The following ARID5A variants were observed in gnomAD, a reference collection of about 807,000 sequenced individuals.
ARID5A encodes the protein AT-rich interaction domain 5A.
Under a neutral mutation model 30.5 loss-of-function variants are expected in ARID5A, and 14 were observed. That is an observed-to-expected ratio of 0.46 (90% CI 0.30 to 0.72). The LOEUF is 0.72. Ranked by LOEUF, ARID5A falls within the 30% of genes least tolerant of loss-of-function variation. The pLI is 0.07. For missense variants in ARID5A, 669 were observed against 786.2 expected, an observed-to-expected ratio of 0.85 and a Z score of 1.78; for synonymous variants, 338 against 340.4, an observed-to-expected ratio of 0.99 and a Z score of 0.08.
In ARID5A at chr2:96,551,771, G is replaced by C. The variant is rs747001402; in HGVS notation, c.1243G>C (p.Ala415Pro). 6.5e-7 allele frequency: 1 copy of C among 1,535,292 alleles called. No homozygotes were observed. The highest frequency in any genetic ancestry group is 1.4e-5 in the African/African-American group (1 of 71,980). Residue 415 changes from alanine (A) to proline (P), a missense_variant, in exon 7 of 7, where the codon GCC becomes CCC. This residue lies in a region of ARID5A where 548 missense variants were observed against 577.4 expected (regional missense o/e 0.95). Transcript: ENST00000357485. ...RKGILYPKPKACWVSPMAKVP... is the reference protein window; with the variant it reads ...RKGILYPKPKPCWVSPMAKVP... ...GGGCATCCTCTACCCCAAGCCCAAAGCCTGCTGGGTGTCCCCCATGGCCAA... is the reference window on the plus strand; with the variant it reads ...GGGCATCCTCTACCCCAAGCCCAAACCCTGCTGGGTGTCCCCCATGGCCAA...
At chr2:96,548,286 TA>T (rs1558618247) in intron 2 of ARID5A, among the ~76,000 whole-genome samples, 1 of 150,524 alleles carries the variant, frequency 6.6e-6, no homozygotes, top group Non-Finnish European at 1.5e-5. Context: ...TTTTTTTTTT[TA>T]GACAGAGTCT....
intron 1 of ARID5A, among the ~76,000 whole-genome samples, chr2:96,541,114 T>C (rs148863524): frequency 1.2e-3 from 189 of 151,350 alleles, no homozygotes; most frequent in African/African-American, 4.5e-3. Flanking sequence ...CTCAGCTCAC[T>C]GCAACCTCCA....
intron 1 of ARID5A, chr2:96,538,222 A>G: frequency 3.0e-6 from 3 of 985,436 alleles, no homozygotes; most frequent in Non-Finnish European, 3.6e-6. Context: ...AAACCATCTG[A>G]GGAGCTCTCA....
chr2:96,542,789 G>A (rs1054247507), intron 1 of ARID5A, among the ~76,000 whole-genome samples: 2 of 152,182 alleles, frequency 1.3e-5, no homozygotes, highest in African/African-American at 2.4e-5. Context: ...CATGGAGAGG[G>A]TCTGTCGATG....
Position 96,549,990 on chromosome 2 carries a change from C to G in ARID5A, c.312+185C>G. ...AGCTTTTCAGCCTTCCCCATCTGTT[C>G]TGCCCGCCCCGTGTTGGGAAAACTG... On this transcript the variant is annotated intron_variant, in intron 4 of 6. Transcript: ENST00000357485. The surrounding 1 kb of genome is among the most constrained non-coding windows in gnomAD (Gnocchi z 6.1). The G allele has an allele frequency of 6.5e-7, 1 of 1,534,702 alleles. No individual in the cohort carries two copies.
chr2:96,547,317 G>A (rs985652876), intron 1 of ARID5A, 85 bp from the exon 2 acceptor site: 1 of 1,167,676 alleles, frequency 8.6e-7, no homozygotes, highest in African/African-American at 1.5e-5. Flanking sequence ...TGGGAGTAGG[G>A]AGAGTGCTCC....
Position 96,537,739 on chromosome 2 carries a change from G to A in ARID5A, c.4+909G>A. 1 of 490,704 alleles carries A rather than the reference G, an allele frequency of 2.0e-6. No individual in the cohort carries two copies. The highest frequency in any genetic ancestry group is 2.6e-6 in the Non-Finnish European group (1 of 377,764). The allele number at this position is 490,704 out of a possible 1,614,324, so 30.4% of individuals were successfully genotyped here. ...ACCCGGGCCCGCGCTCCGTCCCTCC[G>A]CGGTGTCTAGGGGTCGCCCGGGCTG... is the stretch of plus-strand genomic sequence containing the variant. On this transcript the variant is annotated intron_variant, in intron 1 of 6. Transcript: ENST00000357485. The surrounding 1 kb of genome is among the most constrained non-coding windows in gnomAD (Gnocchi z 4.8).
rs2066065594 is a variant in ARID5A at position 96,552,179 on chromosome 2, C to G, written c.1651C>G (p.Leu551Val). Residue 551 changes from leucine (L) to valine (V), a missense_variant, in exon 7 of 7, where the codon CTG (leucine) becomes GTG (valine). Leu to Val is a conservative substitution (Grantham distance 32). This residue lies in a region of ARID5A where 548 missense variants were observed against 577.4 expected (regional missense o/e 0.95). Transcript: ENST00000357485. Reference protein sequence around the residue: ...TAGPSPMAAGLMHFPPTSFDS... With the variant: ...TAGPSPMAAGVMHFPPTSFDS... ...AGGCCCCTCGCCCATGGCCGCTGGC[C>G]TGATGCACTTCCCCCCAACGTCCTT... 6.2e-7 allele frequency: 1 copy of G among 1,613,450 alleles called. No individual in the cohort carries two copies. Among genetic ancestry groups the G allele is most frequent in the Non-Finnish European group, 8.5e-7 (1 of 1,180,028 alleles).
intron 1 of ARID5A, among the ~76,000 whole-genome samples, chr2:96,544,957 T>C (rs890087849): frequency 6.6e-6 from 1 of 152,076 alleles, no homozygotes; most frequent in African/African-American, 2.4e-5. Context: ...GCTTCAAGAC[T>C]TCAGTGGAGA....
chr2:96,544,325 T>A (rs930374171), intron 1 of ARID5A, among the ~76,000 whole-genome samples: 2 of 152,200 alleles, frequency 1.3e-5, no homozygotes, highest in African/African-American at 4.8e-5. Flanking sequence ...CAGAAGAAGA[T>A]GTCATCTAGG....
chr2:96,536,975 G>A (rs1333211347), intron 1 of ARID5A, 145 bp downstream of exon 1: 2 of 1,067,862 alleles, frequency 1.9e-6, no homozygotes, highest in Middle Eastern at 3.5e-4. Flanking sequence ...GTTTCGGGGC[G>A]CGGGCCAAGG....
chr2:96,542,869 G>C (rs1287601901), intron 1 of ARID5A, among the ~76,000 whole-genome samples: 1 of 152,190 alleles, frequency 6.6e-6, no homozygotes, highest in Non-Finnish European at 1.5e-5. Flanking sequence ...AGTGGGAGAA[G>C]AGCCAGTGGA....
chr2:96,548,380 C>T (rs1299715155), intron 2 of ARID5A, among the ~76,000 whole-genome samples: 1 of 152,118 alleles, frequency 6.6e-6, no homozygotes. Flanking sequence ...ATTCTTCTGC[C>T]TCAGCCTCCC....
rs577399539 is a variant in ARID5A at position 96,537,784 on chromosome 2, C to T, written c.4+954C>T. 51 of 893,498 alleles carry T rather than the reference C, an allele frequency of 5.7e-5. 1 individual carries two copies. The Middle Eastern group carries it at 3.4e-3, about 60-fold the overall frequency. The allele number at this position is 893,498 out of a possible 1,614,324, so 55.3% of individuals were successfully genotyped here. ...GGGCTGGGGTCGCGTCACCCTCCGC[C>T]CAGCGCCGGCGTGGTGGGGCTTGCG... On this transcript the variant is annotated intron_variant, in intron 1 of 6. Coordinates refer to ENST00000357485, the MANE Select transcript of ARID5A (RefSeq NM_212481.3). This position sits in a 1 kb window ranked among gnomAD's most constrained non-coding sequence, Gnocchi z 4.8.
At chr2:96,538,308 C>T (rs2065780579) in intron 1 of ARID5A, 1 of 985,508 alleles carries the variant, frequency 1.0e-6, no homozygotes, top group African/African-American at 1.7e-5. Flanking sequence ...GCTTTTAGGA[C>T]ATCCCAGAGC....
chr2:96,550,441 G>A lies in ARID5A; in HGVS notation c.411-133G>A. On this transcript the variant is annotated intron_variant, in intron 5 of 6. Coordinates refer to ENST00000357485, the MANE Select transcript of ARID5A (RefSeq NM_212481.3). The surrounding 1 kb of genome is among the most constrained non-coding windows in gnomAD (Gnocchi z 6.6). ...CAGGCTGGCTGGGCGCACTCACTGA[G>A]GGAGCTGAAGCTTTGGGACCAGGAG... The A allele has an allele frequency of 1.4e-6, 2 of 1,435,858 alleles. No homozygotes were observed. Among genetic ancestry groups the A allele is most frequent in the Non-Finnish European group, 1.8e-6 (2 of 1,093,704 alleles). 88.9% of individuals were successfully genotyped at this position (1,435,858 alleles called of 1,614,324 possible).
At chr2:96,545,435 C>T (rs1035973085) in intron 1 of ARID5A, among the ~76,000 whole-genome samples, 2 of 151,778 alleles carry the variant, frequency 1.3e-5, no homozygotes, top group Non-Finnish European at 2.9e-5. Context: ...GGATTACAGG[C>T]GTGAGCCACC....
chr2:96,536,947 G>A, intron 1 of ARID5A, 117 bp downstream of exon 1: 11 of 1,180,228 alleles, frequency 9.3e-6, no homozygotes, highest in Non-Finnish European at 1.2e-5. Context: ...GTGTGGGGCG[G>A]AGAGGGGCCC....
Position 96,552,383 on chromosome 2 carries a change from G to C in ARID5A, c.*70G>C. The C allele has an allele frequency of 5.6e-6, 9 of 1,600,840 alleles. No individual in the cohort carries two copies. The highest frequency in any genetic ancestry group is 7.7e-6 in the Non-Finnish European group (9 of 1,174,858). On this transcript the variant is annotated 3_prime_UTR_variant, in exon 7 of 7. Transcript: ENST00000357485. The stretch of plus-strand genomic sequence containing the variant: ...ACAACAGGCAGGTACTGCTGCCAGG[G>C]GGCTCTGAACTAGTGCCTGCTACCC...
Sources: gnomAD v4.1 joint callset for allele counts (sites outside exome capture counted in the v4.1 genomes callset) on GRCh38, gnomAD v4.1.1 for gene constraint, gnomAD v4.1.1 regional missense constraint, Gnocchi (gnomAD v3.1) non-coding constraint, MANE v1.5 for transcripts, NCBI Gene and HGNC (gene_info 2026-07-23, HGNC 2026-07-21) for gene names.